POLR3G: variants seen among roughly 807,000 people sequenced by gnomAD.
POLR3G encodes RNA polymerase III subunit G.
POLR3G carries 28 observed loss-of-function variants against 30.1 expected under a neutral mutation model. That is an observed-to-expected ratio of 0.93 (90% CI 0.69 to 1.27). The LOEUF (loss-of-function observed/expected upper bound fraction) is 1.27, where lower values mean the gene tolerates loss of function less well. Ranked by LOEUF, POLR3G falls within the 50% of genes most tolerant of loss-of-function variation. The pLI, the probability that POLR3G is intolerant of heterozygous loss-of-function variation, is 0.00. For missense variants in POLR3G, 254 were observed against 264.6 expected, an observed-to-expected ratio of 0.96 and a Z score of 0.28; for synonymous variants, 79 against 82.5, an observed-to-expected ratio of 0.96 and a Z score of 0.23.
Position 90,488,000 on chromosome 5 carries a change from G to A in POLR3G, c.118G>A (p.Asp40Asn), listed in dbSNP as rs768649611. 1 of 1,583,762 alleles carries A rather than the reference G, an allele frequency of 6.3e-7. No individual in the cohort carries two copies. Among genetic ancestry groups the A allele is most frequent in the South Asian group, 1.2e-5 (1 of 85,020 alleles). ...AATCTTTGTCTCTTAATTTAAACAGGATACAGATTATAAACCAGTGCCACT... is the reference window on the plus strand; with the variant it reads ...AATCTTTGTCTCTTAATTTAAACAGAATACAGATTATAAACCAGTGCCACT... ...VVLKPPPLFP[D>N]TDYKPVPLKT... Residue 40 changes from aspartate (D) to asparagine (N), a missense_variant and splice_region_variant, in exon 3 of 8, where the codon GAT becomes AAT. By Grantham distance (23) the Asp-to-Asn change is conservative (BLOSUM62 1). Transcript: ENST00000651687.
chr5:90,499,825 A>AGCTTTAAAG (rs139478914), intron 5 of POLR3G, among the ~76,000 whole-genome samples: 46,146 of 152,062 alleles, frequency 0.3, 7,623 homozygotes, highest in Non-Finnish European at 0.38. Flanking sequence ...TACAGTATAT[A>AGCTTTAAAG]ATCATATTTA....
intron 1 of POLR3G, among the ~76,000 whole-genome samples, chr5:90,484,545 G>C (rs1171581281): frequency 6.6e-6 from 1 of 152,138 alleles, no homozygotes; most frequent in Non-Finnish European, 1.5e-5. Context: ...GACTAAGAAG[G>C]GTAACATTAA....
intron 6 of POLR3G, among the ~76,000 whole-genome samples, chr5:90,503,616 GGAAAAAC>G (rs1752354706): frequency 6.6e-6 from 1 of 152,148 alleles, no homozygotes; most frequent in Admixed American, 6.5e-5. Context: ...GACACACACT[GGAAAAAC>G]TGGAAATTTA....
chr5:90,477,174 G>A (rs550443082), intron 1 of POLR3G, among the ~76,000 whole-genome samples: 2 of 152,280 alleles, frequency 1.3e-5, no homozygotes, highest in African/African-American at 4.8e-5. Context: ...ATGTAGGGTG[G>A]AAGAAATTGT....
At chr5:90,504,857 C>A (rs577112340) in intron 6 of POLR3G, among the ~76,000 whole-genome samples, 20 of 152,120 alleles carry the variant, frequency 1.3e-4, no homozygotes, top group Non-Finnish European at 2.6e-4. Flanking sequence ...TTGCACTTTT[C>A]CAAAGGGATT....
intron 3 of POLR3G, among the ~76,000 whole-genome samples, chr5:90,493,738 T>G (rs530655367): frequency 2.8e-4 from 33 of 115,856 alleles, no homozygotes; most frequent in Non-Finnish European, 1.0e-4. Context: ...ACAAGAGTCT[T>G]GCTCTGTTAC....
In POLR3G at chr5:90,513,750, T is replaced by C. The variant is rs911512537; in HGVS notation, c.*1611T>C. On this transcript the variant is annotated 3_prime_UTR_variant, in exon 8 of 8. Transcript: ENST00000651687. ...GTGTTAACCATTTGTGAATTACTTC[T>C]TGTTTAAAGGAAGTTGTCAAAAAAT... The C allele has an allele frequency of 1.3e-5, 2 of 152,218 alleles. No homozygotes were observed. Among genetic ancestry groups the C allele is most frequent in the Non-Finnish European group, 2.9e-5 (2 of 68,028 alleles). 9.4% of individuals were successfully genotyped at this position (152,218 alleles called of 1,614,324 possible). A position where few individuals can be genotyped will look rare whatever the true frequency, so the allele number is the denominator to read the frequency against.
chr5:90,506,137 G>A (rs1259650471), intron 6 of POLR3G, among the ~76,000 whole-genome samples: 2 of 152,056 alleles, frequency 1.3e-5, no homozygotes, highest in East Asian at 3.9e-4. Context: ...GCTCAAGCAG[G>A]AGAATCACTT....
intron 1 of POLR3G, among the ~76,000 whole-genome samples, chr5:90,479,428 G>C (rs144473519): frequency 0.012 from 1,815 of 152,222 alleles, 21 homozygotes; most frequent in Middle Eastern, 0.034. Flanking sequence ...AGCCGAGATC[G>C]CACCAATGCA....
chr5:90,504,752 T>A (rs1752411004), intron 6 of POLR3G, among the ~76,000 whole-genome samples: 1 of 152,144 alleles, frequency 6.6e-6, no homozygotes. Flanking sequence ...CTGATTAAAA[T>A]AGTAAAAAAA....
upstream of POLR3G, chr5:90,474,604 G>T: frequency 2.5e-6 from 1 of 394,584 alleles, no homozygotes; most frequent in South Asian, 2.6e-5. Context: ...TAACGCAGGG[G>T]CCACTGCAGC....
intron 3 of POLR3G, among the ~76,000 whole-genome samples, chr5:90,489,834 C>T (rs555403544): frequency 2.0e-5 from 3 of 152,020 alleles, no homozygotes; most frequent in Admixed American, 6.6e-5. Context: ...AGACTGGACA[C>T]GGTGGCTTAC....
At chr5:90,498,883 G>A (rs889543644) in intron 5 of POLR3G, among the ~76,000 whole-genome samples, 1 of 152,096 alleles carries the variant, frequency 6.6e-6, no homozygotes, top group African/African-American at 2.4e-5. Context: ...AGTCAAATGG[G>A]GTAAAATCAC....
intron 7 of POLR3G, 76 bp from the exon 8 acceptor site, chr5:90,511,977 A>G (rs1752758552): frequency 1.0e-6 from 1 of 985,454 alleles, no homozygotes; most frequent in African/African-American, 1.6e-5. Flanking sequence ...TAAAAAGCAG[A>G]GACTTTTAGG....
chr5:90,479,118 G>T (rs1276477913), intron 1 of POLR3G, among the ~76,000 whole-genome samples: 1 of 152,138 alleles, frequency 6.6e-6, no homozygotes, highest in Non-Finnish European at 1.5e-5. Context: ...TTGTGGAGCT[G>T]TTGCTATATA....
chr5:90,479,687 A>G (rs1580192361), intron 1 of POLR3G, among the ~76,000 whole-genome samples: 1 of 151,846 alleles, frequency 6.6e-6, no homozygotes, highest in Non-Finnish European at 1.5e-5. Flanking sequence ...TTGCTGAGGG[A>G]CTTAAACTGG....
chr5:90,485,412 T>A, intron 1 of POLR3G, 113 bp from the exon 2 acceptor site: 1 of 611,822 alleles, frequency 1.6e-6, no homozygotes, highest in Non-Finnish European at 2.9e-6. Flanking sequence ...ATGTTTTGCT[T>A]TCCAAAAGTA....
At position 90,495,682 on chromosome 5, in the gene POLR3G, G is replaced by A; in HGVS notation, c.253G>A (p.Glu85Lys). 1 of 1,601,042 alleles carries A rather than the reference G, an allele frequency of 6.2e-7. No individual in the cohort carries two copies. ...TTTATTCTTTTTTCCCCTAGATATTGAAAGGTATAGTAAAAGATACATGAA... is the reference window on the plus strand; with the variant it reads ...TTTATTCTTTTTTCCCCTAGATATTAAAAGGTATAGTAAAAGATACATGAA... The part of the protein sequence containing the change: ...IETPEERQDI[E>K]RYSKRYMKVY... Residue 85 changes from glutamate to lysine, a missense_variant, in exon 4 of 8, where the codon GAA (glutamate) becomes AAA (lysine). Physicochemically the swap from Glu to Lys is moderately conservative, Grantham distance 56. Coordinates refer to ENST00000651687, the MANE Select transcript of POLR3G (RefSeq NM_006467.3).
At chr5:90,492,828 C>A (rs1751792990) in intron 3 of POLR3G, among the ~76,000 whole-genome samples, 1 of 123,208 alleles carries the variant, frequency 8.1e-6, no homozygotes, top group African/African-American at 3.0e-5. Context: ...GAGATTGTGC[C>A]ACTGCACTCC....
Sources: gnomAD v4.1 joint callset for allele counts (sites outside exome capture counted in the v4.1 genomes callset) on GRCh38, gnomAD v4.1.1 for gene constraint, MANE v1.5 for transcripts, NCBI Gene and HGNC (gene_info 2026-07-23, HGNC 2026-07-21) for gene names.